The following ROCK2 variants were observed in gnomAD, a reference collection of about 807,000 sequenced individuals.
The protein encoded by ROCK2 is rho-associated protein kinase 2.
In ROCK2, 61 loss-of-function variants were observed where a neutral mutation model predicts 195.1. The ratio of observed to expected loss-of-function variants is 0.31; its 90% CI spans 0.25 to 0.39. The LOEUF (loss-of-function observed/expected upper bound fraction) is 0.39, where lower values mean the gene tolerates loss of function less well. Ranked by LOEUF, ROCK2 falls within the 10% of genes least tolerant of loss-of-function variation. ROCK2 has a pLI of 1.00. For missense variants in ROCK2, 1,109 were observed against 1,637.4 expected (o/e 0.68, Z 5.57); for synonymous variants, 504 against 545.5 (o/e 0.92, Z 1.06).
At chr2:11,340,181 C>T (rs1040815292) in intron 1 of ROCK2, among the ~76,000 whole-genome samples, 13 of 152,130 alleles carry the variant, frequency 8.5e-5, no homozygotes, top group African/African-American at 3.1e-4. Context: ...GTACACAGTA[C>T]ATATACTGTG....
At chr2:11,309,958 C>T (rs1440872072) in intron 1 of ROCK2, among the ~76,000 whole-genome samples, 1 of 151,204 alleles carries the variant, frequency 6.6e-6, no homozygotes, top group African/African-American at 2.4e-5. Context: ...TCCAGCCTGC[C>T]CTGTCTCCAA....
intron 1 of ROCK2, among the ~76,000 whole-genome samples, chr2:11,307,822 T>C (rs1368964607): frequency 5.3e-5 from 8 of 152,214 alleles, no homozygotes; most frequent in Admixed American, 4.6e-4. Context: ...CACAGACTTT[T>C]TTCCTTGTCA....
At chr2:11,206,947 A>G (rs1239782619) in intron 20 of ROCK2, among the ~76,000 whole-genome samples, 1 of 152,198 alleles carries the variant, frequency 6.6e-6, no homozygotes, top group Non-Finnish European at 1.5e-5. Context: ...GGATCCAAAG[A>G]CTTTTTTCTT....
chr2:11,257,503 C>A (rs1016887248), intron 3 of ROCK2, among the ~76,000 whole-genome samples: 1 of 151,444 alleles, frequency 6.6e-6, no homozygotes, highest in Non-Finnish European at 1.5e-5. Context: ...AATGTGAGCA[C>A]GTACAACATG....
chr2:11,206,968 C>A (rs1026538150), intron 20 of ROCK2, among the ~76,000 whole-genome samples: 12 of 152,200 alleles, frequency 7.9e-5, no homozygotes, highest in Admixed American at 6.5e-4. Context: ...TCCACTCTAT[C>A]ACACTGTCTT....
intron 5 of ROCK2, chr2:11,234,571 T>C (rs1665137760): frequency 6.6e-6 from 1 of 152,030 alleles, no homozygotes; most frequent in Admixed American, 6.6e-5. Context: ...AAACATTGAT[T>C]AAGGGTTGCA....
chr2:11,339,404 T>C (rs761560802), intron 1 of ROCK2, among the ~76,000 whole-genome samples: 4 of 152,060 alleles, frequency 2.6e-5, no homozygotes, highest in South Asian at 4.1e-4. Context: ...CTCTATCCAT[T>C]ATATTAAGTT....
Position 11,183,347 on chromosome 2 carries a change from T to G in ROCK2, c.*90A>C. 3 of 1,028,534 alleles carry G rather than the reference T, an allele frequency of 2.9e-6. No individual in the cohort carries two copies. Among genetic ancestry groups the G allele is most frequent in the Non-Finnish European group, 4.4e-6 (3 of 680,446 alleles). 63.7% of individuals were successfully genotyped at this position (1,028,534 alleles called of 1,614,324 possible). On this transcript the variant is annotated 3_prime_UTR_variant, in exon 33 of 33. Transcript: ENST00000315872. The stretch of plus-strand genomic sequence containing the variant: ...TCAGTCTCTCAGGAAAATATAGCTT[T>G]TTAATAAATTTTGGGCCATCATATT...
intron 3 of ROCK2, among the ~76,000 whole-genome samples, chr2:11,254,873 CT>C (rs887116486): frequency 2.6e-5 from 4 of 151,760 alleles, no homozygotes; most frequent in African/African-American, 9.7e-5. Context: ...ACATTAAACC[CT>C]AAAAGATCCA....
chr2:11,275,326 G>A (rs1028733879), intron 3 of ROCK2, among the ~76,000 whole-genome samples: 1 of 151,824 alleles, frequency 6.6e-6, no homozygotes, highest in Non-Finnish European at 1.5e-5. Context: ...TATGAATATG[G>A]TCTCTCTCTC....
At chr2:11,284,311 A>G (rs1343302155) in intron 3 of ROCK2, among the ~76,000 whole-genome samples, 2 of 152,222 alleles carry the variant, frequency 1.3e-5, no homozygotes, top group Non-Finnish European at 2.9e-5. Context: ...GTATAATAGT[A>G]TAACGATGGG....
intron 3 of ROCK2, among the ~76,000 whole-genome samples, chr2:11,279,160 A>G (rs1400767583): frequency 6.6e-6 from 1 of 152,168 alleles, no homozygotes; most frequent in Non-Finnish European, 1.5e-5. Flanking sequence ...ACAACAACAA[A>G]TATGGTAATA....
At chr2:11,272,298 T>TA (rs1411935629) in intron 3 of ROCK2, among the ~76,000 whole-genome samples, 3 of 152,108 alleles carry the variant, frequency 2.0e-5, no homozygotes, top group African/African-American at 7.2e-5. Context: ...TGTGAAGAAA[T>TA]AAAAATCTCA....
chr2:11,192,588 G>A lies in ROCK2; in HGVS notation c.3812C>T (p.Pro1271Leu), dbSNP rs1558277806. 1 of 1,614,038 alleles carries A rather than the reference G, an allele frequency of 6.2e-7. No homozygotes were observed. The highest frequency in any genetic ancestry group is 8.5e-7 in the Non-Finnish European group (1 of 1,179,982). ...HEFIPTLYHF[P>L]TNCEACMKPL... ...CTTCATACAAGCCTCACAGTTGGTTGGGAAATGATAAAGAGTAGGAATAAA... is the reference window on the plus strand; with the variant it reads ...CTTCATACAAGCCTCACAGTTGGTTAGGAAATGATAAAGAGTAGGAATAAA... Residue 1271 changes from proline to leucine, a missense_variant, in exon 31 of 33, where the codon CCA (proline) becomes CTA (leucine). Around this residue, in one of 6 missense-constraint regions of ROCK2, gnomAD observed 221 missense variants for 355.1 expected, o/e 0.62. Transcript: ENST00000315872. The surrounding 1 kb of genome is among the most constrained non-coding windows in gnomAD (Gnocchi z 5.0).
chr2:11,334,766 C>G (rs1055132736), intron 1 of ROCK2, among the ~76,000 whole-genome samples: 4 of 150,564 alleles, frequency 2.7e-5, no homozygotes, highest in Admixed American at 1.3e-4. Flanking sequence ...GAGAACACTT[C>G]GCTAATTCAT....
Position 11,201,954 on chromosome 2 carries a change from T to G in ROCK2, c.2619+98A>C. ...TTCTCTTAAACTATCTACATTCTTT[T>G]GCCCAGCTGCTCTTTTTATATGAGT... On this transcript the variant is annotated intron_variant, in intron 21 of 32. Coordinates refer to ENST00000315872, the MANE Select transcript of ROCK2 (RefSeq NM_004850.5). The surrounding 1 kb of genome is among the most constrained non-coding windows in gnomAD (Gnocchi z 4.6). The G allele has an allele frequency of 1.2e-6, 1 of 860,032 alleles. No individual in the cohort carries two copies. The allele number at this position is 860,032 out of a possible 1,614,324, so 53.3% of individuals were successfully genotyped here.
intron 19 of ROCK2, 66 bp downstream of exon 19, chr2:11,208,221 G>C (rs1453860696): frequency 3.0e-6 from 3 of 993,086 alleles, no homozygotes; most frequent in African/African-American, 3.4e-5. Context: ...ACCATCACTA[G>C]ACCTTCATGA....
chr2:11,220,472 T>A (rs1664598635), intron 9 of ROCK2, among the ~76,000 whole-genome samples: 1 of 152,162 alleles, frequency 6.6e-6, no homozygotes, highest in South Asian at 2.1e-4. Flanking sequence ...TAATCTTACA[T>A]CCAATACTCA....
In ROCK2 at chr2:11,201,452, A is replaced by T. The variant is rs755743353; in HGVS notation, c.2620-39T>A. 1 of 1,060,114 alleles carries T rather than the reference A, an allele frequency of 9.4e-7. No individual in the cohort carries two copies. The highest frequency in any genetic ancestry group is 1.3e-5 in the South Asian group (1 of 78,404). 65.7% of individuals were successfully genotyped at this position (1,060,114 alleles called of 1,614,324 possible). Reference sequence around the variant, plus strand: ...TACAACAGAAATGCGTATCATCATCAGAAATATTACTTCTACATTCAAAAG... The same window carrying T: ...TACAACAGAAATGCGTATCATCATCTGAAATATTACTTCTACATTCAAAAG... On this transcript the variant is annotated intron_variant, in intron 21 of 32. Transcript: ENST00000315872. This position sits in a 1 kb window ranked among gnomAD's most constrained non-coding sequence, Gnocchi z 4.6.
Sources: allele counts gnomAD v4.1 joint callset (sites outside exome capture counted in the v4.1 genomes callset), GRCh38; gene constraint gnomAD v4.1.1; regional missense constraint gnomAD v4.1.1; non-coding constraint Gnocchi (gnomAD v3.1); transcripts MANE v1.5; gene names NCBI Gene and HGNC (gene_info 2026-07-23, HGNC 2026-07-21).